The following CADPS2 variants were observed in gnomAD, a reference collection of about 807,000 sequenced individuals.
The protein encoded by CADPS2 is calcium-dependent secretion activator 2.
CADPS2 carries 93 observed loss-of-function variants against 172.5 expected under a neutral mutation model. The observed-to-expected ratio is 0.54, with a 90% CI of 0.46 to 0.64. The LOEUF is 0.64. CADPS2 is among the 30% of genes least tolerant of loss of function. The probability of loss-of-function intolerance (pLI) is 0.00; values close to 1 mark genes in which losing one functional copy is unlikely to be tolerated. For synonymous variants in CADPS2, 546 were observed against 555.2 expected (o/e 0.98, Z 0.23); for missense variants, 1,420 against 1,565.9 (o/e 0.91, Z 1.57).
intron 9 of CADPS2, among the ~76,000 whole-genome samples, chr7:122,502,374 A>G (rs1049460288): frequency 6.6e-6 from 1 of 152,114 alleles, no homozygotes; most frequent in African/African-American, 2.4e-5. Context: ...TATTTATAAT[A>G]AGAACTAATA....
chr7:122,681,994 C>T (rs1217098426), intron 2 of CADPS2, among the ~76,000 whole-genome samples: 1 of 151,968 alleles, frequency 6.6e-6, no homozygotes, highest in Non-Finnish European at 1.5e-5. Flanking sequence ...TGAAGTCGTT[C>T]TAAAGCTTTT....
chr7:122,794,534 T>A (rs1381126405), intron 1 of CADPS2, among the ~76,000 whole-genome samples: 1 of 151,934 alleles, frequency 6.6e-6, no homozygotes, highest in Non-Finnish European at 1.5e-5. Context: ...GAGCTTGACA[T>A]CCCACTGACA....
In CADPS2 at chr7:122,663,384, A is replaced by T. The variant is rs777734801; in HGVS notation, c.639T>A (p.Gly213=). 1 of 1,613,680 alleles carries T rather than the reference A, an allele frequency of 6.2e-7. No homozygotes were observed. The highest frequency in any genetic ancestry group is 1.3e-5 in the African/African-American group (1 of 74,872). Residue 213 remains glycine, a synonymous_variant, in exon 3 of 30, where the codon GGT becomes GGA. Transcript: ENST00000449022. Reference sequence around the variant, plus strand: ...TTGGCTGTTTGCACAAGTCCTCTTCACCTCTGTAAATGGCATCATATTTGG... The same window carrying T: ...TTGGCTGTTTGCACAAGTCCTCTTCTCCTCTGTAAATGGCATCATATTTGG... ...WIAKYDAIYR[G]EEDLCKQPNR...
chr7:122,385,076 C>A (rs544740113), intron 24 of CADPS2, among the ~76,000 whole-genome samples: 1 of 151,858 alleles, frequency 6.6e-6, no homozygotes, highest in African/African-American at 2.4e-5. Context: ...AGATAATATT[C>A]TCAGGCAGAC....
chr7:122,633,025 T>G (rs2076727149), intron 3 of CADPS2, among the ~76,000 whole-genome samples: 1 of 152,192 alleles, frequency 6.6e-6, no homozygotes, highest in South Asian at 2.1e-4. Flanking sequence ...GGTTTACTTC[T>G]GAGTTCTCTA....
chr7:122,619,635 T>G (rs199582659), intron 5 of CADPS2, among the ~76,000 whole-genome samples: 2 of 147,492 alleles, frequency 1.4e-5, no homozygotes, highest in African/African-American at 5.0e-5. Flanking sequence ...TCCAAACAAA[T>G]AAATAAATAA....
At chr7:122,442,504 C>T (rs2051488390) in intron 15 of CADPS2, among the ~76,000 whole-genome samples, 2 of 152,106 alleles carry the variant, frequency 1.3e-5, no homozygotes, top group South Asian at 4.1e-4. Flanking sequence ...GTTTATGTAT[C>T]TCCATGTCAT....
At chr7:122,340,695 G>T (rs1294663816) in intron 28 of CADPS2, among the ~76,000 whole-genome samples, 1 of 152,248 alleles carries the variant, frequency 6.6e-6, no homozygotes, top group Non-Finnish European at 1.5e-5. Flanking sequence ...GAGAGAGTGA[G>T]CAGCCACTCT....
chr7:122,397,968 T>C (rs544736656), intron 20 of CADPS2, among the ~76,000 whole-genome samples: 1 of 152,302 alleles, frequency 6.6e-6, no homozygotes, highest in African/African-American at 2.4e-5. Flanking sequence ...CCCGAAAAGA[T>C]TCCATGTTTC....
At chr7:122,388,314 A>G (rs2043936391) in intron 23 of CADPS2, among the ~76,000 whole-genome samples, 1 of 152,068 alleles carries the variant, frequency 6.6e-6, no homozygotes. Context: ...TCCCAGAGAG[A>G]TAACAATAAG....
intron 1 of CADPS2, chr7:122,850,148 G>C (rs1813143970): frequency 8.5e-7 from 1 of 1,174,724 alleles, no homozygotes. Context: ...TGCTGAACAG[G>C]GCGTATCTGT....
chr7:122,631,184 G>T (rs933583070), intron 3 of CADPS2, among the ~76,000 whole-genome samples: 5 of 152,018 alleles, frequency 3.3e-5, no homozygotes, highest in African/African-American at 1.2e-4. Context: ...TATGATCTTT[G>T]CTTAAATGCT....
At chr7:122,862,500 CCTCT>C (rs374045153) in intron 1 of CADPS2, among the ~76,000 whole-genome samples, 1 of 151,986 alleles carries the variant, frequency 6.6e-6, no homozygotes, top group African/African-American at 2.4e-5. Flanking sequence ...CATCAGAAGG[CCTCT>C]CTCTCTCATG....
At chr7:122,523,942 G>C (rs913767568) in intron 8 of CADPS2, among the ~76,000 whole-genome samples, 2 of 152,044 alleles carry the variant, frequency 1.3e-5, no homozygotes, top group African/African-American at 4.8e-5. Flanking sequence ...AAGAGGACTG[G>C]GACTGTGAAA....
chr7:122,840,553 C>CAA (rs5887117), intron 1 of CADPS2, among the ~76,000 whole-genome samples: 2 of 130,104 alleles, frequency 1.5e-5, no homozygotes, highest in Non-Finnish European at 1.7e-5. Context: ...TTTTTAAATG[C>CAA]AAAAAAAAAA....
chr7:122,703,833 T>A (rs563251251), intron 2 of CADPS2, among the ~76,000 whole-genome samples: 2 of 152,082 alleles, frequency 1.3e-5, no homozygotes, highest in Non-Finnish European at 1.5e-5. Context: ...AAAGGCTGAA[T>A]AACAGATTTA....
At chr7:122,648,017 G>C (rs1254601950) in intron 3 of CADPS2, among the ~76,000 whole-genome samples, 1 of 152,102 alleles carries the variant, frequency 6.6e-6, no homozygotes, top group African/African-American at 2.4e-5. Flanking sequence ...ACCATCCAAG[G>C]AGTCTGCCCT....
chr7:122,850,155 C>A, intron 1 of CADPS2: 1 of 1,142,124 alleles, frequency 8.8e-7, no homozygotes, highest in Non-Finnish European at 1.2e-6. Context: ...CAGGGCGTAT[C>A]TGTGGCTTCC....
chr7:122,843,159 G>A (rs1052240149), intron 1 of CADPS2, among the ~76,000 whole-genome samples: 1 of 152,118 alleles, frequency 6.6e-6, no homozygotes, highest in African/African-American at 2.4e-5. Flanking sequence ...AATGCTTTCT[G>A]TGAATACCAG....
Sources: allele counts gnomAD v4.1 joint callset (sites outside exome capture counted in the v4.1 genomes callset), GRCh38; gene constraint gnomAD v4.1.1; transcripts MANE v1.5; gene names NCBI Gene and HGNC (gene_info 2026-07-23, HGNC 2026-07-21).